Variants in SYT6 observed in about 807,000 individuals in gnomAD.
The protein encoded by SYT6 is synaptotagmin-6.
In SYT6, 24 loss-of-function variants were observed where a neutral mutation model predicts 38.4. The observed-to-expected ratio is 0.62, with a 90% CI of 0.45 to 0.88. SYT6 has a LOEUF of 0.88. Ranked by LOEUF, SYT6 falls within the 40% of genes least tolerant of loss-of-function variation. The pLI is 0.00. For synonymous variants in SYT6, 265 were observed against 241.9 expected (o/e 1.10, Z -0.89); for missense variants, 611 against 621.0 (o/e 0.98, Z 0.17).
intron 3 of SYT6, among the ~76,000 whole-genome samples, chr1:114,111,668 G>A (rs1374988523): frequency 1.2e-5 from 1 of 85,640 alleles, no homozygotes; most frequent in Admixed American, 1.2e-4. Context: ...CATTGCCCTT[G>A]GGTGGTAAAG....
In SYT6 at chr1:114,093,935, G is replaced by A. The variant is rs1210459466; in HGVS notation, c.1516-132C>T. 32 of 837,196 alleles carry A rather than the reference G, an allele frequency of 3.8e-5. No homozygotes were observed. In the South Asian group the frequency reaches 4.8e-4, roughly 13 times the overall value. The allele number at this position is 837,196 out of a possible 1,614,324, so 51.9% of individuals were successfully genotyped here. On this transcript the variant is annotated intron_variant, in intron 6 of 7. Transcript: ENST00000610222. ...CTTATTTAACAGACCTTCATTTTAG[G>A]AGTTCTACTTTTCTGTTACAACCTT... is the stretch of plus-strand genomic sequence containing the variant.
chr1:114,136,042 GTTC>G (rs1678461287), intron 3 of SYT6, among the ~76,000 whole-genome samples: 1 of 152,150 alleles, frequency 6.6e-6, no homozygotes, highest in Non-Finnish European at 1.5e-5. Flanking sequence ...GGCTACTTAT[GTTC>G]TTCTTAGGGA....
intron 1 of SYT6, among the ~76,000 whole-genome samples, chr1:114,151,833 A>C (rs931505766): frequency 2.6e-5 from 4 of 152,104 alleles, no homozygotes; most frequent in African/African-American, 9.7e-5. Flanking sequence ...AGAGTCTTAT[A>C]ATAATAACTT....
At chr1:114,133,515 CA>C (rs922150155) in intron 3 of SYT6, among the ~76,000 whole-genome samples, 16 of 152,248 alleles carry the variant, frequency 1.1e-4, no homozygotes, top group African/African-American at 3.9e-4. Flanking sequence ...TGATCTTAGC[CA>C]ATTGAAGCTC....
intron 3 of SYT6, among the ~76,000 whole-genome samples, chr1:114,125,505 T>C (rs1677670820): frequency 1.3e-5 from 2 of 152,114 alleles, no homozygotes; most frequent in African/African-American, 2.4e-5. Context: ...TAGGTGTCAA[T>C]TCAGACATGA....
intron 1 of SYT6, chr1:114,152,751 G>A (rs1191899043): frequency 3.3e-5 from 5 of 152,144 alleles, no homozygotes; most frequent in Non-Finnish European, 7.3e-5. Context: ...GGCGGGGATC[G>A]GGCTCGGGAC....
At chr1:114,104,592 T>TCA (rs1325260084) in intron 3 of SYT6, among the ~76,000 whole-genome samples, 1 of 152,144 alleles carries the variant, frequency 6.6e-6, no homozygotes, top group East Asian at 1.9e-4. Flanking sequence ...ATGGAGACAT[T>TCA]TCCTCCCATA....
At chr1:114,148,317 T>G (rs1020275550) in intron 1 of SYT6, among the ~76,000 whole-genome samples, 1 of 152,236 alleles carries the variant, frequency 6.6e-6, no homozygotes, top group African/African-American at 2.4e-5. Flanking sequence ...AAATCCATTT[T>G]GTAACAGTAA....
In SYT6 at chr1:114,112,681, G is replaced by A. The variant is rs548521689; in HGVS notation, c.1072-8960C>T. Among the ~76,000 whole-genome samples the A allele has an allele frequency of 2.7e-4, 41 of 152,360 alleles. No homozygotes were observed. In the East Asian group the frequency reaches 6.0e-3, roughly 22 times the overall value. On this transcript the variant is annotated intron_variant, in intron 3 of 7. Transcript: ENST00000610222. The stretch of plus-strand genomic sequence containing the variant: ...TGCTTGTGCCTGAGAGCCCAGAGCC[G>A]AGGACCTCACTTCAGATCTGGTCCT...
At chr1:114,120,147 T>C (rs1394729361) in intron 3 of SYT6, among the ~76,000 whole-genome samples, 2 of 152,152 alleles carry the variant, frequency 1.3e-5, no homozygotes, top group East Asian at 3.9e-4. Context: ...GTTTTATAAT[T>C]ACCCCCACTT....
chr1:114,098,826 G>A (rs762882497), intron 5 of SYT6, among the ~76,000 whole-genome samples: 1 of 152,204 alleles, frequency 6.6e-6, no homozygotes, highest in Non-Finnish European at 1.5e-5. Context: ...TGGAAGAATG[G>A]GAATAGCAAG....
Position 114,137,600 on chromosome 1 carries a change from G to A in SYT6, c.966C>T (p.Phe322=), listed in dbSNP as rs1367357882. 6.2e-7 allele frequency: 1 copy of A among 1,614,232 alleles called. No individual in the cohort carries two copies. The highest frequency in any genetic ancestry group is 8.5e-7 in the Non-Finnish European group (1 of 1,180,040). ...CCTCGCCAATCATGTCATGGCGGGA[G>A]AAGCGGTCAAAGTCGAAGACACTGA... ...LHLSVFDFDR[F]SRHDMIGEVI... Residue 322 remains phenylalanine, a synonymous_variant, in exon 3 of 8, where the codon TTC becomes TTT. Transcript: ENST00000610222.
intron 1 of SYT6, among the ~76,000 whole-genome samples, chr1:114,144,980 A>G (rs1679082284): frequency 6.6e-6 from 1 of 152,098 alleles, no homozygotes. Context: ...GCACAGGGAC[A>G]TTAGAGCCTT....
At chr1:114,140,819 G>C (rs776656285) in intron 1 of SYT6, among the ~76,000 whole-genome samples, 32 of 152,158 alleles carry the variant, frequency 2.1e-4, no homozygotes, top group Non-Finnish European at 4.1e-4. Context: ...TGCACATTTT[G>C]TGTCTGTCAC....
At chr1:114,127,396 G>A (rs1386402246) in intron 3 of SYT6, among the ~76,000 whole-genome samples, 7 of 152,182 alleles carry the variant, frequency 4.6e-5, no homozygotes. Context: ...CTGGGTTCTT[G>A]GTGGATTTTC....
intron 3 of SYT6, among the ~76,000 whole-genome samples, chr1:114,111,599 G>C (rs1198117256): frequency 1.4e-4 from 21 of 152,306 alleles, no homozygotes. Flanking sequence ...CAGCTGTCCT[G>C]TCACCCCCTC....
At chr1:114,142,503 T>C (rs1678919020) in intron 1 of SYT6, among the ~76,000 whole-genome samples, 1 of 152,230 alleles carries the variant, frequency 6.6e-6, no homozygotes, top group Non-Finnish European at 1.5e-5. Flanking sequence ...TGAACATTGC[T>C]GAAATGACCA....
intron 3 of SYT6, 53 bp from the exon 4 acceptor site, chr1:114,103,774 C>T: frequency 6.3e-7 from 1 of 1,587,594 alleles, no homozygotes; most frequent in Non-Finnish European, 8.6e-7. Flanking sequence ...CCATGGGCCT[C>T]ATGTCCAGTG....
chr1:114,113,554 G>A (rs2101018427), intron 3 of SYT6, among the ~76,000 whole-genome samples: 1 of 152,086 alleles, frequency 6.6e-6, no homozygotes. Flanking sequence ...CCCCAACCTG[G>A]CCCATCCATC....
Sources: allele counts gnomAD v4.1 joint callset (sites outside exome capture counted in the v4.1 genomes callset), GRCh38; gene constraint gnomAD v4.1.1; transcripts MANE v1.5; gene names NCBI Gene and HGNC (gene_info 2026-07-23, HGNC 2026-07-21).